WDFY2: variants seen among roughly 807,000 people sequenced by gnomAD.
The protein encoded by WDFY2 is WD repeat and FYVE domain-containing protein 2.
WDFY2 carries 36 observed loss-of-function variants against 56.4 expected under a neutral mutation model. That is an observed-to-expected ratio of 0.64 (90% CI 0.49 to 0.84). WDFY2 has a LOEUF of 0.84. Among genes scored for constraint, WDFY2 ranks in the 40% least tolerant of loss-of-function variants. The probability of loss-of-function intolerance (pLI) is 0.00; values close to 1 mark genes in which losing one functional copy is unlikely to be tolerated. For synonymous variants in WDFY2, 176 were observed against 183.7 expected, an observed-to-expected ratio of 0.96 and a Z score of 0.34; for missense variants, 444 against 512.2, an observed-to-expected ratio of 0.87 and a Z score of 1.29.
chr13:51,679,627 A>G (rs1955945355), intron 3 of WDFY2, among the ~76,000 whole-genome samples: 1 of 152,174 alleles, frequency 6.6e-6, no homozygotes, highest in Non-Finnish European at 1.5e-5. Context: ...CTTACAGTAT[A>G]CATTACTGTT....
intron 1 of WDFY2, among the ~76,000 whole-genome samples, chr13:51,608,447 C>T (rs1954425161): frequency 6.6e-6 from 1 of 152,132 alleles, no homozygotes; most frequent in African/African-American, 2.4e-5. Flanking sequence ...TTTGGGAGGC[C>T]AAGGCAGGCA....
At chr13:51,650,267 A>G (rs1462190194) in intron 1 of WDFY2, among the ~76,000 whole-genome samples, 2 of 152,154 alleles carry the variant, frequency 1.3e-5, no homozygotes, top group African/African-American at 2.4e-5. Flanking sequence ...TTGATTTTGT[A>G]TCCTGAGACT....
chr13:51,638,338 C>T (rs1048957060), intron 1 of WDFY2, among the ~76,000 whole-genome samples: 1 of 152,000 alleles, frequency 6.6e-6, no homozygotes, highest in Non-Finnish European at 1.5e-5. Flanking sequence ...TAAGGCAGTA[C>T]GGATAGCAGA....
At chr13:51,628,815 C>T (rs920765053) in intron 1 of WDFY2, among the ~76,000 whole-genome samples, 2 of 152,172 alleles carry the variant, frequency 1.3e-5, no homozygotes, top group African/African-American at 4.8e-5. Context: ...CCTTAGAAAC[C>T]CATTGACCAG....
chr13:51,642,588 C>T (rs118061949), intron 1 of WDFY2, among the ~76,000 whole-genome samples: 1 of 152,008 alleles, frequency 6.6e-6, no homozygotes, highest in African/African-American at 2.4e-5. Flanking sequence ...GCCACCGTGC[C>T]CAGCCAGAGG....
intron 1 of WDFY2, among the ~76,000 whole-genome samples, chr13:51,608,369 T>A (rs1412894618): frequency 6.6e-6 from 1 of 152,242 alleles, no homozygotes; most frequent in Non-Finnish European, 1.5e-5. Flanking sequence ...CATTTTCATA[T>A]GCATTCATTT....
intron 1 of WDFY2, among the ~76,000 whole-genome samples, chr13:51,596,382 C>T (rs1338446547): frequency 6.6e-6 from 1 of 152,128 alleles, no homozygotes; most frequent in East Asian, 1.9e-4. Context: ...TCTTATTGAG[C>T]TTCCATTTGG....
At chr13:51,665,501 G>A (rs772750479) in intron 2 of WDFY2, among the ~76,000 whole-genome samples, 49 of 152,192 alleles carry the variant, frequency 3.2e-4, no homozygotes, top group Admixed American at 5.9e-4. Flanking sequence ...TTCTATTTCT[G>A]TGGTTGATTT....
chr13:51,676,940 C>T (rs1460866720), intron 3 of WDFY2, among the ~76,000 whole-genome samples: 3 of 152,268 alleles, frequency 2.0e-5, no homozygotes, highest in South Asian at 2.1e-4. Context: ...GTTTGCGTAA[C>T]GCTCACTGTC....
intron 1 of WDFY2, among the ~76,000 whole-genome samples, chr13:51,629,253 G>A (rs959115057): frequency 5.3e-5 from 8 of 152,166 alleles, no homozygotes; most frequent in African/African-American, 9.7e-5. Context: ...GTCTCTAAAC[G>A]TTCATGTAGA....
In WDFY2 at chr13:51,607,450, A is replaced by T. The variant is rs191063356; in HGVS notation, c.137+22626A>T. On this transcript the variant is annotated intron_variant, in intron 1 of 11. Transcript: ENST00000298125. Reference sequence around the variant, plus strand: ...AGAGGAGGACTCCAGTCATGTTGCCAAGGAGTGTATATCTTGGGATGGGAG... The same window carrying T: ...AGAGGAGGACTCCAGTCATGTTGCCTAGGAGTGTATATCTTGGGATGGGAG... Among the ~76,000 whole-genome samples, 1,171 of 152,308 alleles carry T rather than the reference A, an allele frequency of 7.7e-3. 13 individuals are homozygous for T. Among genetic ancestry groups the T allele is most frequent in the Non-Finnish European group, 0.01 (681 of 68,014 alleles).
intron 4 of WDFY2, among the ~76,000 whole-genome samples, chr13:51,714,438 C>G (rs1593442486): frequency 1.3e-5 from 2 of 152,194 alleles, no homozygotes; most frequent in East Asian, 3.9e-4. Flanking sequence ...ATTACAGGCG[C>G]TTGCCACCAT....
chr13:51,687,064 A>G (rs1436191857), intron 3 of WDFY2, among the ~76,000 whole-genome samples: 1 of 150,160 alleles, frequency 6.7e-6, no homozygotes, highest in Non-Finnish European at 1.5e-5. Context: ...TATATATAAA[A>G]CCATCACTGA....
At position 51,763,667 on chromosome 13, in the gene WDFY2, A is replaced by G. The variant is rs1416941931; in HGVS notation, c.*3898A>G. 1 of 152,196 alleles carries G rather than the reference A, an allele frequency of 6.6e-6. No homozygotes were observed. Among genetic ancestry groups the G allele is most frequent in the Non-Finnish European group, 1.5e-5 (1 of 68,064 alleles). 9.4% of individuals were successfully genotyped at this position (152,196 alleles called of 1,614,324 possible). ...TCAAAACTTAGTTGGGTGTGGTGGC[A>G]CACACCTGTATTCCCAGCTACTCAG... On this transcript the variant is annotated 3_prime_UTR_variant, in exon 12 of 12. Transcript: ENST00000298125.
At chr13:51,689,798 A>G (rs1956121533) in intron 3 of WDFY2, among the ~76,000 whole-genome samples, 1 of 152,210 alleles carries the variant, frequency 6.6e-6, no homozygotes. Context: ...TGAACTCTGT[A>G]GGCACATTTG....
chr13:51,639,189 T>C (rs1955110099), intron 1 of WDFY2, among the ~76,000 whole-genome samples: 1 of 152,208 alleles, frequency 6.6e-6, no homozygotes, highest in East Asian at 1.9e-4. Flanking sequence ...TTACACCATG[T>C]ACTTTGATAT....
Position 51,660,613 on chromosome 13 carries a change from TA to T in WDFY2, c.158del (p.Lys53ArgfsTer33). ...TGTTGTAGGACAGTTCGTGTTTGGT[TA>T]AAGAGAGACAGTGGACAGTATTGGC... ...VSEDRTVRVW[L>X]KRDSGQYWPS... On this transcript the variant is annotated frameshift_variant, in exon 2 of 12. Coordinates refer to ENST00000298125, the MANE Select transcript of WDFY2 (RefSeq NM_052950.4). LOFTEE classifies it high-confidence loss of function. 6.2e-7 allele frequency: 1 copy of T among 1,613,978 alleles called. No homozygotes were observed. Among genetic ancestry groups the T allele is most frequent in the African/African-American group, 1.3e-5 (1 of 75,038 alleles).
At chr13:51,613,511 T>A (rs1954544849) in intron 1 of WDFY2, among the ~76,000 whole-genome samples, 1 of 152,202 alleles carries the variant, frequency 6.6e-6, no homozygotes, top group African/African-American at 2.4e-5. Flanking sequence ...AGTGAAATAC[T>A]TTGAAGAACA....
chr13:51,632,803 A>G (rs918576307), intron 1 of WDFY2, among the ~76,000 whole-genome samples: 1 of 152,140 alleles, frequency 6.6e-6, no homozygotes, highest in Non-Finnish European at 1.5e-5. Context: ...ACTTCACCTA[A>G]AATACTGGGT....
Sources: gnomAD v4.1 joint callset for allele counts (sites outside exome capture counted in the v4.1 genomes callset) on GRCh38, gnomAD v4.1.1 for gene constraint, MANE v1.5 for transcripts, NCBI Gene and HGNC (gene_info 2026-07-23, HGNC 2026-07-21) for gene names.